Variants in DAB1 observed in about 807,000 individuals in gnomAD.
DAB1 encodes DAB adaptor protein 1.
A neutral mutation model predicts 64.6 loss-of-function variants in DAB1; 15 were observed. That is an observed-to-expected ratio of 0.23 (90% CI 0.16 to 0.36). The LOEUF is 0.36. DAB1 is among the 10% of genes least tolerant of loss of function. DAB1 has a pLI of 1.00. For synonymous variants in DAB1, 235 were observed against 251.9 expected, an observed-to-expected ratio of 0.93 and a Z score of 0.64; for missense variants, 596 against 706.7, an observed-to-expected ratio of 0.84 and a Z score of 1.78.
chr1:57,206,786 C>A (rs970538582), intron 2 of DAB1, among the ~76,000 whole-genome samples: 1 of 152,050 alleles, frequency 6.6e-6, no homozygotes, highest in African/African-American at 2.4e-5. Context: ...AGGACACAGG[C>A]GTTTTGGAGT....
chr1:58,035,353 G>T (rs1006437492), intron 5 of DAB1, among the ~76,000 whole-genome samples: 23 of 152,188 alleles, frequency 1.5e-4, no homozygotes, highest in African/African-American at 5.5e-4. Context: ...ACAGTTTTTT[G>T]CTGTAAAGCC....
chr1:57,996,131 T>C (rs1310929165), intron 5 of DAB1, among the ~76,000 whole-genome samples: 1 of 151,938 alleles, frequency 6.6e-6, no homozygotes, highest in East Asian at 1.9e-4. Flanking sequence ...TGGTGGCGGG[T>C]GCCTGTAATC....
intron 1 of DAB1, among the ~76,000 whole-genome samples, chr1:57,381,575 G>C (rs145866660): frequency 6.6e-6 from 1 of 152,074 alleles, no homozygotes; most frequent in South Asian, 2.1e-4. Flanking sequence ...GTTCAGGTCC[G>C]GGAAGCAGCC....
intron 4 of DAB1, among the ~76,000 whole-genome samples, chr1:58,263,301 T>C (rs1283410241): frequency 6.6e-6 from 1 of 152,228 alleles, no homozygotes; most frequent in Admixed American, 6.5e-5. Flanking sequence ...ATTGAATCAT[T>C]ACTACAAGCC....
intron 6 of DAB1, among the ~76,000 whole-genome samples, chr1:57,679,981 T>C (rs899240507): frequency 6.6e-6 from 1 of 152,200 alleles, no homozygotes; most frequent in Non-Finnish European, 1.5e-5. Context: ...ACATAGCTTG[T>C]AAATAGGTGA....
At chr1:58,071,999 T>C (rs779518853) in intron 5 of DAB1, among the ~76,000 whole-genome samples, 1 of 132,848 alleles carries the variant, frequency 7.5e-6, no homozygotes, top group Non-Finnish European at 1.5e-5. Context: ...AAAAGGTAAA[T>C]AATTAAAATA....
chr1:58,413,036 A>G (rs1644686085), intron 3 of DAB1, among the ~76,000 whole-genome samples: 1 of 152,240 alleles, frequency 6.6e-6, no homozygotes, highest in African/African-American at 2.4e-5. Context: ...CTCTGAGAGT[A>G]ATGATCTATT....
chr1:58,330,274 A>C (rs1158081083), intron 4 of DAB1, among the ~76,000 whole-genome samples: 1 of 152,214 alleles, frequency 6.6e-6, no homozygotes, highest in Non-Finnish European at 1.5e-5. Context: ...CAAAGCCCCA[A>C]CTCTTCCTCA....
intron 6 of DAB1, among the ~76,000 whole-genome samples, chr1:57,660,381 C>CTCT (rs1225602946): frequency 6.6e-6 from 1 of 152,182 alleles, no homozygotes; most frequent in East Asian, 1.9e-4. Context: ...ATCAGCCGGC[C>CTCT]TCTTCTTGGG....
chr1:57,054,509 G>A (rs1035999449), intron 9 of DAB1, among the ~76,000 whole-genome samples: 26 of 122,744 alleles, frequency 2.1e-4, no homozygotes, highest in Admixed American at 3.3e-4. Context: ...ATGGGGTCTC[G>A]CTCTGTCACC....
chr1:57,788,530 G>C (rs1650441668), intron 6 of DAB1, among the ~76,000 whole-genome samples: 1 of 152,212 alleles, frequency 6.6e-6, no homozygotes, highest in Non-Finnish European at 1.5e-5. Flanking sequence ...AGGTCAGGGA[G>C]AGCACTAACC....
Position 57,023,654 on chromosome 1 carries a change from G to A in DAB1, c.787-15C>T, listed in dbSNP as rs140087356. On this transcript the variant is annotated splice_polypyrimidine_tract_variant and intron_variant, in intron 10 of 14. Transcript: ENST00000371236. ...GTTGCAGGAGTCTGCCAGACAGAGA[G>A]AGGCAGAGGACACATGAGACCTGGC... 6.5e-6 allele frequency: 10 copies of A among 1,539,442 alleles called. No individual in the cohort carries two copies. The African/African-American group carries it at 6.8e-5, about 10-fold the overall frequency.
chr1:58,511,905 G>T (rs1380418565), intron 2 of DAB1, among the ~76,000 whole-genome samples: 1 of 152,038 alleles, frequency 6.6e-6, no homozygotes, highest in African/African-American at 2.4e-5. Flanking sequence ...GAAACAAAAG[G>T]CAAAAATAGA....
intron 7 of DAB1, among the ~76,000 whole-genome samples, chr1:57,537,440 T>C (rs1644743886): frequency 6.6e-6 from 1 of 152,216 alleles, no homozygotes; most frequent in Non-Finnish European, 1.5e-5. Context: ...GGCTTTTCTC[T>C]ATTGCAGTGA....
rs754353010 is a variant in DAB1, at chr1:57,071,598, A to G, written c.482T>C (p.Ile161Thr). The G allele has an allele frequency of 1.9e-6, 3 of 1,613,788 alleles. No homozygotes were observed. Among genetic ancestry groups the G allele is most frequent in the Non-Finnish European group, 2.5e-6 (3 of 1,179,882 alleles). The part of the protein sequence containing the change: ...ILDLRDLFQL[I>T]YELKQREELE... Reference sequence around the variant, plus strand: ...TTCTTCTCTTTGCTTCAATTCATAAATGAGTTGAAAGAGATCTCTCAAGTC... The same window carrying G: ...TTCTTCTCTTTGCTTCAATTCATAAGTGAGTTGAAAGAGATCTCTCAAGTC... The change falls in exon 6 of 15, where the codon ATT becomes ACT. Residue 161 changes from isoleucine to threonine, a missense_variant. By Grantham distance (89) the Ile-to-Thr change is moderately conservative. Transcript: ENST00000371236.
intron 6 of DAB1, among the ~76,000 whole-genome samples, chr1:57,653,149 T>C (rs1646275531): frequency 6.6e-6 from 1 of 152,170 alleles, no homozygotes; most frequent in African/African-American, 2.4e-5. Context: ...GTCATATTTG[T>C]TTCAGACCTT....
chr1:57,476,095 G>A (rs764259535), intron 7 of DAB1, among the ~76,000 whole-genome samples: 8 of 151,840 alleles, frequency 5.3e-5, no homozygotes, highest in Middle Eastern at 6.8e-3. Flanking sequence ...GCATGGTGGC[G>A]CACGCCTGTA....
At chr1:57,053,688 A>ATATATATATAT (rs1447741565) in intron 9 of DAB1, among the ~76,000 whole-genome samples, 10 of 71,402 alleles carry the variant, frequency 1.4e-4, no homozygotes, top group Admixed American at 9.3e-4. Context: ...ATATATATAT[A>ATATATATATAT]TTTTTTTTTT....
At chr1:57,354,882 A>T (rs1029392721) in intron 1 of DAB1, among the ~76,000 whole-genome samples, 1 of 152,138 alleles carries the variant, frequency 6.6e-6, no homozygotes, top group African/African-American at 2.4e-5. Flanking sequence ...CAGGACTTCC[A>T]GGATTTATCA....
Sources: allele counts gnomAD v4.1 joint callset (sites outside exome capture counted in the v4.1 genomes callset), GRCh38; gene constraint gnomAD v4.1.1; transcripts MANE v1.5; gene names NCBI Gene and HGNC (gene_info 2026-07-23, HGNC 2026-07-21).